Variants in CTNNA3 observed in about 807,000 individuals in gnomAD.
CTNNA3 encodes the protein catenin alpha 3.
Under a neutral mutation model 95.7 loss-of-function variants are expected in CTNNA3, and 76 were observed. The ratio of observed to expected loss-of-function variants is 0.79; its 90% confidence interval spans 0.66 to 0.96. The LOEUF is 0.96. Ranked by LOEUF, CTNNA3 falls within the 40% of genes least tolerant of loss-of-function variation. CTNNA3 has a pLI of 0.00. For missense variants in CTNNA3, 1,191 were observed against 1,089.8 expected, an observed-to-expected ratio of 1.09 and a Z score of -1.31; for synonymous variants, 431 against 374.4, an observed-to-expected ratio of 1.15 and a Z score of -1.74.
chr10:66,994,223 A>C (rs758318643), intron 7 of CTNNA3, among the ~76,000 whole-genome samples: 1 of 152,212 alleles, frequency 6.6e-6, no homozygotes, highest in Non-Finnish European at 1.5e-5. Flanking sequence ...CAGTGGTTAA[A>C]AGGAAAAGAT....
chr10:66,513,489 G>A (rs1840733100), intron 11 of CTNNA3, among the ~76,000 whole-genome samples: 1 of 152,306 alleles, frequency 6.6e-6, no homozygotes, highest in African/African-American at 2.4e-5. Context: ...CCTGGGGAGT[G>A]CACACGCACC....
chr10:66,026,893 G>A (rs2079351263), intron 15 of CTNNA3, among the ~76,000 whole-genome samples: 1 of 152,044 alleles, frequency 6.6e-6, no homozygotes, highest in Non-Finnish European at 1.5e-5. Context: ...AAGTAATATT[G>A]TAAAGTTTAA....
At position 66,928,038 on chromosome 10, in the gene CTNNA3, T is replaced by G. The variant is rs772729619; in HGVS notation, c.1048-152514A>C. ...CAGAGAGGTTTGATCTGGCCAGGGC[T>G]CTCCCAAAGCCGACGTTTAAGCCCA... On this transcript the variant is annotated intron_variant, in intron 7 of 17. Transcript: ENST00000433211. The G allele has an allele frequency of 2.5e-6, 4 of 1,613,858 alleles. No homozygotes were observed. The East Asian group carries it at 6.7e-5, about 27-fold the overall frequency.
At chr10:67,268,730 A>C (rs557323645) in intron 5 of CTNNA3, among the ~76,000 whole-genome samples, 2 of 152,336 alleles carry the variant, frequency 1.3e-5, no homozygotes, top group African/African-American at 4.8e-5. Context: ...TTTTCAGTTA[A>C]ACCAGTATTT....
chr10:66,008,970 C>T (rs957202804), intron 15 of CTNNA3, among the ~76,000 whole-genome samples: 8 of 151,964 alleles, frequency 5.3e-5, no homozygotes, highest in African/African-American at 1.7e-4. Context: ...TGTAGTGGCA[C>T]GCACCTGTAA....
At chr10:66,522,179 A>G (rs1456302123) in intron 10 of CTNNA3, among the ~76,000 whole-genome samples, 1 of 152,104 alleles carries the variant, frequency 6.6e-6, no homozygotes, top group East Asian at 1.9e-4. Flanking sequence ...TTGTTAAAAT[A>G]AGTTATCAGT....
chr10:67,342,625 G>A (rs1263723271), intron 5 of CTNNA3, among the ~76,000 whole-genome samples: 1 of 152,160 alleles, frequency 6.6e-6, no homozygotes, highest in Non-Finnish European at 1.5e-5. Context: ...ATATGGAAGA[G>A]ATAGGGGTCT....
At chr10:67,562,809 A>T (rs1050671727) in intron 3 of CTNNA3, among the ~76,000 whole-genome samples, 21 of 152,194 alleles carry the variant, frequency 1.4e-4, no homozygotes, top group African/African-American at 4.6e-4. Flanking sequence ...TACAAAATCA[A>T]TGTGCAAAAG....
At chr10:67,016,142 A>G (rs969038920) in intron 7 of CTNNA3, among the ~76,000 whole-genome samples, 2 of 152,168 alleles carry the variant, frequency 1.3e-5, no homozygotes, top group African/African-American at 2.4e-5. Flanking sequence ...TGTGTGAAAC[A>G]GAAAATGGTA....
chr10:66,720,372 A>C (rs1848588371), intron 9 of CTNNA3, among the ~76,000 whole-genome samples: 1 of 152,166 alleles, frequency 6.6e-6, no homozygotes, highest in Admixed American at 6.5e-5. Flanking sequence ...CTTCAACTTT[A>C]GAAAGATAAG....
At chr10:66,922,370 A>T (rs1186485563) in intron 7 of CTNNA3, among the ~76,000 whole-genome samples, 1 of 152,232 alleles carries the variant, frequency 6.6e-6, no homozygotes, top group African/African-American at 2.4e-5. Flanking sequence ...TTTAAAAAGT[A>T]TACAGGCAAA....
chr10:67,393,589 G>A (rs928456375), intron 5 of CTNNA3, among the ~76,000 whole-genome samples: 5 of 152,088 alleles, frequency 3.3e-5, no homozygotes, highest in African/African-American at 1.2e-4. Flanking sequence ...GCAAACTTTT[G>A]CCGCTCATTG....
intron 9 of CTNNA3, among the ~76,000 whole-genome samples, chr10:66,647,338 A>C (rs2132400148): frequency 6.6e-6 from 1 of 152,236 alleles, no homozygotes; most frequent in South Asian, 2.1e-4. Flanking sequence ...AAAAATCAAA[A>C]TACAGGAAAG....
chr10:66,010,914 CAACT>C (rs2078993293), intron 15 of CTNNA3, among the ~76,000 whole-genome samples: 1 of 152,130 alleles, frequency 6.6e-6, no homozygotes, highest in South Asian at 2.1e-4. Flanking sequence ...GCATGTCAAC[CAACT>C]AAGAAGAGAT....
intron 7 of CTNNA3, chr10:66,928,381 G>C: frequency 5.0e-6 from 8 of 1,614,144 alleles, no homozygotes; most frequent in Non-Finnish European, 5.9e-6. Flanking sequence ...CACCAACACG[G>C]AGACCAGCGA....
intron 12 of CTNNA3, among the ~76,000 whole-genome samples, chr10:66,367,878 A>AT (rs2092723806): frequency 1.8e-3 from 16 of 8,722 alleles, no homozygotes; most frequent in African/African-American, 4.5e-3. Context: ...AATAATAATA[A>AT]TAATTATTAT....
intron 5 of CTNNA3, among the ~76,000 whole-genome samples, chr10:67,412,471 C>T (rs1212471980): frequency 6.6e-6 from 1 of 152,034 alleles, no homozygotes; most frequent in Non-Finnish European, 1.5e-5. Flanking sequence ...AGTGTCACTA[C>T]AGACATTGAC....
chr10:67,380,711 GA>G (rs1468451924), intron 5 of CTNNA3, among the ~76,000 whole-genome samples: 2 of 152,184 alleles, frequency 1.3e-5, no homozygotes, highest in African/African-American at 4.8e-5. Flanking sequence ...GAATACAAAA[GA>G]AGGGTTTCAT....
chr10:67,361,049 A>G (rs537385385), intron 5 of CTNNA3, among the ~76,000 whole-genome samples: 1 of 152,250 alleles, frequency 6.6e-6, no homozygotes, highest in East Asian at 1.9e-4. Flanking sequence ...TTACATAATG[A>G]TAAAGTGTTC....
Sources: gnomAD v4.1 joint callset for allele counts (sites outside exome capture counted in the v4.1 genomes callset) on GRCh38, gnomAD v4.1.1 for gene constraint, MANE v1.5 for transcripts, NCBI Gene and HGNC (gene_info 2026-07-23, HGNC 2026-07-21) for gene names.